The following MYCBP2 variants were observed in gnomAD, a reference collection of about 807,000 sequenced individuals.
MYCBP2 encodes MYC binding protein 2.
Under a neutral mutation model 525.3 loss-of-function variants are expected in MYCBP2, and 120 were observed. That is an observed-to-expected ratio of 0.23 (90% CI 0.20 to 0.27). The LOEUF (loss-of-function observed/expected upper bound fraction) is 0.27, where lower values mean the gene tolerates loss of function less well. Ranked by LOEUF, MYCBP2 falls within the 10% of genes least tolerant of loss-of-function variation. The pLI, the probability that MYCBP2 is intolerant of heterozygous loss-of-function variation, is 1.00. For missense variants in MYCBP2, 4,149 were observed against 5,657.1 expected (o/e 0.73, Z 8.55); for synonymous variants, 1,894 against 1,955.8 (o/e 0.97, Z 0.83).
intron 73 of MYCBP2, among the ~76,000 whole-genome samples, chr13:77,063,796 GA>G (rs1325263642): frequency 6.6e-6 from 1 of 152,124 alleles, no homozygotes; most frequent in Non-Finnish European, 1.5e-5. Context: ...ATGCAAGGAG[GA>G]AGGGGAATGC....
At chr13:77,198,605 T>C (rs1433330125) in intron 26 of MYCBP2, among the ~76,000 whole-genome samples, 1 of 152,222 alleles carries the variant, frequency 6.6e-6, no homozygotes, top group Admixed American at 6.5e-5. Context: ...ATTCAAGCTA[T>C]TAGTGAATAT....
In MYCBP2 at chr13:77,144,291, A is replaced by C. The variant is rs73239498; in HGVS notation, c.7303+154T>G. 16,269 of 607,166 alleles carry C rather than the reference A, an allele frequency of 0.027. 322 individuals carry two copies. Among genetic ancestry groups the C allele is most frequent in the Middle Eastern group, 0.056 (157 of 2,780 alleles). The allele number at this position is 607,166 out of a possible 1,614,324, so 37.6% of individuals were successfully genotyped here. A position where few individuals can be genotyped will look rare whatever the true frequency, so the allele number is the denominator to read the frequency against. ...TTACAAAATGTTAATGCACTAATTA[A>C]ATACTCATTATGAAAGAGAAAACAA... is the stretch of plus-strand genomic sequence containing the variant. On this transcript the variant is annotated intron_variant, in intron 49 of 82. Coordinates refer to ENST00000544440, the MANE Select transcript of MYCBP2 (RefSeq NM_015057.5).
At chr13:77,193,249 C>A (rs980014414) in intron 27 of MYCBP2, among the ~76,000 whole-genome samples, 3 of 152,046 alleles carry the variant, frequency 2.0e-5, no homozygotes, top group Non-Finnish European at 4.4e-5. Flanking sequence ...CCCTAATATT[C>A]ATTTGTATAA....
chr13:77,278,448 C>A (rs911125268), intron 4 of MYCBP2, among the ~76,000 whole-genome samples: 39 of 152,334 alleles, frequency 2.6e-4, no homozygotes, highest in African/African-American at 9.1e-4. Flanking sequence ...ACTTATACCC[C>A]TGCTGTTTCC....
chr13:77,115,612 G>T (rs913161017), intron 55 of MYCBP2, among the ~76,000 whole-genome samples: 1 of 150,804 alleles, frequency 6.6e-6, no homozygotes, highest in Non-Finnish European at 1.5e-5. Flanking sequence ...CTAAAGAAAA[G>T]GTATCAAAAA....
At chr13:77,056,314 A>G (rs1165551848) in intron 79 of MYCBP2, among the ~76,000 whole-genome samples, 5 of 152,192 alleles carry the variant, frequency 3.3e-5, no homozygotes, top group Non-Finnish European at 7.3e-5. Context: ...CAGTCTATCT[A>G]GACAATGATT....
At chr13:77,059,455 T>A in intron 77 of MYCBP2, 68 bp downstream of exon 77, 2 of 1,187,882 alleles carry the variant, frequency 1.7e-6, no homozygotes, top group Non-Finnish European at 2.5e-6. Flanking sequence ...AAAACTCTTT[T>A]CTGTATGAAG....
chr13:77,174,225 T>C (rs576254000), intron 37 of MYCBP2, 86 bp downstream of exon 37: 6 of 1,218,444 alleles, frequency 4.9e-6, no homozygotes, highest in East Asian at 2.4e-5. Context: ...TAATTATAAG[T>C]ATCCAGTTAG....
Position 77,251,334 on chromosome 13 carries a change from G to A in MYCBP2, c.2198C>T (p.Ala733Val), listed in dbSNP as rs1234969901. ...TTCCAGGTCTTCATCCATTGCTGTT[G>A]CCATATTTTCAACTCCAAACCCTAT... ...GGKGFGVENM[A>V]TAMDEDLEEE... The change falls in exon 15 of 83, where the codon GCA becomes GTA. Residue 733 changes from alanine (A) to valine (V), a missense_variant. Physicochemically the swap from Ala to Val is moderately conservative, Grantham distance 64. This residue lies in a region of MYCBP2 where 620 missense variants were observed against 795.5 expected (regional missense o/e 0.78). Coordinates refer to ENST00000544440, the MANE Select transcript of MYCBP2 (RefSeq NM_015057.5). The A allele has an allele frequency of 6.2e-7, 1 of 1,614,008 alleles. No individual in the cohort carries two copies. The highest frequency in any genetic ancestry group is 1.1e-5 in the South Asian group (1 of 91,074).
At chr13:77,102,785 G>C (rs1377418800) in intron 55 of MYCBP2, among the ~76,000 whole-genome samples, 1 of 151,544 alleles carries the variant, frequency 6.6e-6, no homozygotes, top group African/African-American at 2.4e-5. Flanking sequence ...TCTCATAAAA[G>C]ACTAAAATAG....
chr13:77,161,539 A>C (rs1264364946), intron 44 of MYCBP2, among the ~76,000 whole-genome samples: 1 of 152,220 alleles, frequency 6.6e-6, no homozygotes, highest in African/African-American at 2.4e-5. Context: ...ACAACTATAC[A>C]TCCTTTGTGA....
chr13:77,144,564 A>T lies in MYCBP2; in HGVS notation c.7188-4T>A, dbSNP rs775131559. ...GATCAGCATATTCTCACTGGGTCTG[A>T]AAAGAAATAAGATGGATATTGGAAA... is the stretch of plus-strand genomic sequence containing the variant. On this transcript the variant is annotated splice_polypyrimidine_tract_variant and splice_region_variant and intron_variant, in intron 48 of 82. Coordinates refer to ENST00000544440, the MANE Select transcript of MYCBP2 (RefSeq NM_015057.5). 2.9e-5 allele frequency: 46 copies of T among 1,592,414 alleles called. 1 individual carries two copies. The South Asian group carries it at 3.2e-4, about 11-fold the overall frequency.
chr13:77,294,129 T>TAC (rs1555465423), intron 2 of MYCBP2, among the ~76,000 whole-genome samples: 4 of 26,138 alleles, frequency 1.5e-4, no homozygotes, highest in South Asian at 1.3e-3. Flanking sequence ...TATATATATA[T>TAC]ACATATATAT....
chr13:77,213,022 A>G (rs1185084034), intron 21 of MYCBP2, among the ~76,000 whole-genome samples: 3 of 152,050 alleles, frequency 2.0e-5, no homozygotes, highest in Non-Finnish European at 4.4e-5. Context: ...ACAGCCACAA[A>G]CTAACTGTGG....
intron 82 of MYCBP2, among the ~76,000 whole-genome samples, chr13:77,048,603 G>GT (rs2036084003): frequency 1.3e-5 from 2 of 152,086 alleles, no homozygotes; most frequent in African/African-American, 4.8e-5. Context: ...CAATCTCAGT[G>GT]TATGTTCTTA....
chr13:77,298,982 A>T (rs1197982984), intron 1 of MYCBP2, among the ~76,000 whole-genome samples: 1 of 149,544 alleles, frequency 6.7e-6, no homozygotes, highest in African/African-American at 2.4e-5. Context: ...AAATAAATAA[A>T]TAAAACACAA....
chr13:77,063,755 A>G (rs1445264271), intron 73 of MYCBP2, among the ~76,000 whole-genome samples: 1 of 152,162 alleles, frequency 6.6e-6, no homozygotes, highest in East Asian at 1.9e-4. Flanking sequence ...ATGTTAAAAT[A>G]GGGACAGAAA....
intron 17 of MYCBP2, among the ~76,000 whole-genome samples, chr13:77,233,509 AATT>A (rs2067428749): frequency 6.6e-6 from 1 of 151,554 alleles, no homozygotes; most frequent in African/African-American, 2.4e-5. Context: ...ATACTCATAA[AATT>A]ATTGTGTAGT....
At chr13:77,183,082 C>A (rs2060362775) in intron 32 of MYCBP2, among the ~76,000 whole-genome samples, 1 of 152,038 alleles carries the variant, frequency 6.6e-6, no homozygotes, top group African/African-American at 2.4e-5. Context: ...AATTATTTAA[C>A]TAAGTATTTC....
Sources: gnomAD v4.1 joint callset for allele counts (sites outside exome capture counted in the v4.1 genomes callset) on GRCh38, gnomAD v4.1.1 for gene constraint, gnomAD v4.1.1 regional missense constraint, MANE v1.5 for transcripts, NCBI Gene and HGNC (gene_info 2026-07-23, HGNC 2026-07-21) for gene names.